TACC2: variants seen among roughly 807,000 people sequenced by gnomAD.
TACC2 encodes the protein transforming acidic coiled-coil-containing protein 2.
In TACC2, 137 loss-of-function variants were observed where a neutral mutation model predicts 227.3. The ratio of observed to expected loss-of-function variants is 0.60; its 90% CI spans 0.52 to 0.69. TACC2 has a LOEUF of 0.69. TACC2 is among the 30% of genes least tolerant of loss of function. The probability of loss-of-function intolerance (pLI) is 0.00; values close to 1 mark genes in which losing one functional copy is unlikely to be tolerated. For synonymous variants in TACC2, 1,523 were observed against 1,487.5 expected (o/e 1.02, Z -0.55); for missense variants, 3,470 against 3,694.4 (o/e 0.94, Z 1.57).
chr10:122,057,245 A>G (rs1277678333), intron 3 of TACC2, among the ~76,000 whole-genome samples: 1 of 152,204 alleles, frequency 6.6e-6, no homozygotes. Flanking sequence ...ATGCCAGGAA[A>G]GTGTTCTGAA....
chr10:122,197,788 TTGGGC>T (rs2094623924), intron 8 of TACC2, among the ~76,000 whole-genome samples: 1 of 152,224 alleles, frequency 6.6e-6, no homozygotes, highest in Non-Finnish European at 1.5e-5. Flanking sequence ...CCCCCCTAGC[TTGGGC>T]TGTACAAAGA....
chr10:121,992,666 G>T (rs1379868610), intron 1 of TACC2, among the ~76,000 whole-genome samples: 2 of 152,114 alleles, frequency 1.3e-5, no homozygotes, highest in Non-Finnish European at 2.9e-5. Flanking sequence ...TAGAAAATAG[G>T]TGAATTGGTT....
intron 2 of TACC2, among the ~76,000 whole-genome samples, chr10:122,026,160 T>G (rs966120635): frequency 1.0e-5 from 1 of 97,724 alleles, no homozygotes; most frequent in Admixed American, 1.1e-4. Flanking sequence ...CTACTAAAAA[T>G]CCAAAAAAAA....
intron 5 of TACC2, among the ~76,000 whole-genome samples, chr10:122,127,629 T>C (rs2087137157): frequency 6.6e-6 from 1 of 152,104 alleles, no homozygotes; most frequent in African/African-American, 2.4e-5. Context: ...AATATTTCAG[T>C]CACTCTAGTC....
Position 122,205,886 on chromosome 10 carries a change from T to C in TACC2, c.5972-4511T>C, listed in dbSNP as rs2095087925. 6.6e-6 allele frequency among the ~76,000 whole-genome samples: 1 copy of C among 152,240 alleles called. No individual in the cohort carries two copies. The highest frequency in any genetic ancestry group is 2.1e-4 in the South Asian group (1 of 4,830). Reference sequence around the variant, plus strand: ...ACTGCTTTGTATCTCGTTAGCCTACTTAAAATGGACACCTTTTCCCAGAAT... The same window carrying C: ...ACTGCTTTGTATCTCGTTAGCCTACCTAAAATGGACACCTTTTCCCAGAAT... On this transcript the variant is annotated intron_variant, in intron 8 of 22. Coordinates refer to ENST00000369005, the MANE Select transcript of TACC2 (RefSeq NM_206862.4). The surrounding 1 kb of genome is among the most constrained non-coding windows in gnomAD (Gnocchi z 4.5).
chr10:122,015,951 G>GT (rs1406568111), intron 1 of TACC2, among the ~76,000 whole-genome samples: 1 of 86,054 alleles, frequency 1.2e-5, no homozygotes, highest in East Asian at 4.3e-4. Flanking sequence ...ATCCCAAAAT[G>GT]TTAAAAAAAA....
chr10:122,076,081 T>A (rs565339563), intron 3 of TACC2, among the ~76,000 whole-genome samples: 1 of 152,322 alleles, frequency 6.6e-6, no homozygotes, highest in Admixed American at 6.5e-5. Flanking sequence ...ATTACAGGCG[T>A]GAGCCACTGC....
At position 122,083,915 on chromosome 10, in the gene TACC2, T is replaced by C; in HGVS notation, c.1415T>C (p.Val472Ala). 6.2e-7 allele frequency: 1 copy of C among 1,612,018 alleles called. No individual in the cohort carries two copies. Among genetic ancestry groups the C allele is most frequent in the South Asian group, 1.1e-5 (1 of 91,034 alleles). Residue 472 changes from valine to alanine, a missense_variant, in exon 4 of 23, where the codon GTG becomes GCG. Transcript: ENST00000369005. Reference protein sequence around the residue: ...DAGLVGLERQVSDLGSKGEHP... With the variant: ...DAGLVGLERQASDLGSKGEHP... ...GGGTTGGTGGGACTGGAGAGGCAGGTGTCAGATCTTGGAAGCAAGGGAGAG... is the reference window on the plus strand; with the variant it reads ...GGGTTGGTGGGACTGGAGAGGCAGGCGTCAGATCTTGGAAGCAAGGGAGAG...
intron 5 of TACC2, among the ~76,000 whole-genome samples, chr10:122,119,877 C>T (rs1256696493): frequency 6.6e-6 from 1 of 151,638 alleles, no homozygotes; most frequent in Non-Finnish European, 1.5e-5. Flanking sequence ...CAAGATCGCG[C>T]TGCTGTACTC....
rs540521848 is a variant in TACC2, at chr10:122,050,517, C to T, written c.113C>T (p.Thr38Met). The change falls in exon 3 of 23, where the codon ACG becomes ATG. Residue 38 changes from threonine to methionine, a missense_variant. Physicochemically the swap from Thr to Met is moderately conservative, Grantham distance 81. This residue lies in a region of TACC2 where 405 missense variants were observed against 389.6 expected (regional missense o/e 1.04). Coordinates refer to ENST00000369005, the MANE Select transcript of TACC2 (RefSeq NM_206862.4). The surrounding 1 kb of genome is among the most constrained non-coding windows in gnomAD (Gnocchi z 4.6). Reference protein sequence around the residue: ...SQNIKRKQQDTPGSPDHRDAS... With the variant: ...SQNIKRKQQDMPGSPDHRDAS... ...AATATAAAAAGGAAGCAGCAGGACA[C>T]GCCCGGAAGCCCTGACCACAGAGAC... The T allele has an allele frequency of 1.6e-5, 26 of 1,614,064 alleles. No homozygotes were observed. The highest frequency in any genetic ancestry group is 3.3e-4 in the Middle Eastern group (2 of 6,022).
chr10:122,179,932 A>T (rs570877922), intron 7 of TACC2, among the ~76,000 whole-genome samples: 17 of 152,018 alleles, frequency 1.1e-4, no homozygotes, highest in East Asian at 1.9e-4. Context: ...ATAAAAAAAA[A>T]ATATAGCCGG....
intron 12 of TACC2, among the ~76,000 whole-genome samples, chr10:122,225,668 A>G (rs1016574905): frequency 6.6e-6 from 1 of 152,194 alleles, no homozygotes; most frequent in Non-Finnish European, 1.5e-5. Context: ...TCTTTGATTT[A>G]AATGGATTGA....
intron 7 of TACC2, among the ~76,000 whole-genome samples, chr10:122,170,755 C>T (rs1278793144): frequency 6.6e-6 from 1 of 152,222 alleles, no homozygotes; most frequent in Non-Finnish European, 1.5e-5. Flanking sequence ...GGCCCTGCCA[C>T]CTGGCTCCCG....
chr10:122,198,449 G>A (rs546051405), intron 8 of TACC2, among the ~76,000 whole-genome samples: 4 of 152,132 alleles, frequency 2.6e-5, no homozygotes, highest in Non-Finnish European at 4.4e-5. Context: ...ACTCAAAACC[G>A]GCCACCAAGG....
intron 7 of TACC2, among the ~76,000 whole-genome samples, chr10:122,185,021 CTTTTTTTTTTTTTT>C (rs34148046): frequency 1.0e-4 from 10 of 95,306 alleles, no homozygotes; most frequent in Non-Finnish European, 4.1e-5. Context: ...GTCACTTATT[CTTTTTTTTTTTTTT>C]TTTTTTTTTT....
Position 122,087,586 on chromosome 10 carries a change from G to A in TACC2, c.5086G>A (p.Gly1696Ser), listed in dbSNP as rs1190731334. Residue 1696 changes from glycine to serine, a missense_variant, in exon 4 of 23, where the codon GGC (glycine) becomes AGC (serine). Physicochemically the swap from Gly to Ser is moderately conservative, Grantham distance 56. Around this residue, in one of 10 missense-constraint regions of TACC2, gnomAD observed 1,924 missense variants for 1,978.3 expected, o/e 0.97. Coordinates refer to ENST00000369005, the MANE Select transcript of TACC2 (RefSeq NM_206862.4). Reference protein sequence around the residue: ...GEVADTPLEPGKVAGAAGEAE... With the variant: ...GEVADTPLEPSKVAGAAGEAE... Reference sequence around the variant, plus strand: ...AGTGGCAGACACTCCCCTGGAGCCTGGCAAGGTGGCAGGCGCTGCTGGGGA... The same window carrying A: ...AGTGGCAGACACTCCCCTGGAGCCTAGCAAGGTGGCAGGCGCTGCTGGGGA... The A allele has an allele frequency of 1.2e-6, 2 of 1,613,698 alleles. No individual in the cohort carries two copies. Among genetic ancestry groups the A allele is most frequent in the Non-Finnish European group, 1.7e-6 (2 of 1,180,038 alleles).
rs1468212441 is a variant in TACC2, at chr10:122,210,782, T to C, written c.6357T>C (p.Ser2119=). ...ATGCATATAGCACGGGTTCCAGCAG[T>C]GCTTCTAGTACCCTTAAGCGAACTA... The part of the protein sequence containing the change: ...APDAYSTGSS[S]ASSTLKRTKK... Residue 2119 remains serine (S), a synonymous_variant, in exon 9 of 23, where the codon AGT becomes AGC. Coordinates refer to ENST00000369005, the MANE Select transcript of TACC2 (RefSeq NM_206862.4). This position sits in a 1 kb window ranked among gnomAD's most constrained non-coding sequence, Gnocchi z 4.6. 1.9e-6 allele frequency: 3 copies of C among 1,613,796 alleles called. No individual in the cohort carries two copies. In the Admixed American group the frequency reaches 5.0e-5, roughly 27 times the overall value.
At chr10:122,176,091 CTCTCTCTCTCTCTCTCTCTCTCTCTCTA>C (rs1159945647) in intron 7 of TACC2, among the ~76,000 whole-genome samples, 5 of 89,068 alleles carry the variant, frequency 5.6e-5, no homozygotes, top group Admixed American at 1.2e-4. Context: ...CTCTCTCTCT[CTCTCTCTCTCTCTCTCTCTCTCTCTCTA>C]TATATATATA....
intron 2 of TACC2, among the ~76,000 whole-genome samples, chr10:122,028,608 A>C (rs1317259295): frequency 6.8e-6 from 1 of 146,838 alleles, no homozygotes; most frequent in African/African-American, 2.4e-5. Flanking sequence ...AGTTCCAAGA[A>C]GTTTGTTTGT....
Sources: allele counts gnomAD v4.1 joint callset (sites outside exome capture counted in the v4.1 genomes callset), GRCh38; gene constraint gnomAD v4.1.1; regional missense constraint gnomAD v4.1.1; non-coding constraint Gnocchi (gnomAD v3.1); transcripts MANE v1.5; gene names NCBI Gene and HGNC (gene_info 2026-07-23, HGNC 2026-07-21).